Variants in PDIA4 observed in about 807,000 individuals in gnomAD.
PDIA4 encodes protein disulfide isomerase family A member 4.
A neutral mutation model predicts 62.1 loss-of-function variants in PDIA4; 33 were observed. That is an observed-to-expected ratio of 0.53 (90% confidence interval 0.40 to 0.71). PDIA4 has a LOEUF of 0.71. Ranked by LOEUF, PDIA4 falls within the 30% of genes least tolerant of loss-of-function variation. The probability of loss-of-function intolerance (pLI) is 0.00; values close to 1 mark genes in which losing one functional copy is unlikely to be tolerated. For synonymous variants in PDIA4, 341 were observed against 324.1 expected, an observed-to-expected ratio of 1.05 and a Z score of -0.56; for missense variants, 804 against 813.6, an observed-to-expected ratio of 0.99 and a Z score of 0.14.
chr7:149,020,543 G>C (rs965515995), intron 2 of PDIA4, among the ~76,000 whole-genome samples: 1 of 152,184 alleles, frequency 6.6e-6, no homozygotes, highest in African/African-American at 2.4e-5. Flanking sequence ...CACCACACAG[G>C]CCAACAGCCT....
rs560118008 is a variant in PDIA4, at chr7:149,003,548, A to T, written c.*246T>A. On this transcript the variant is annotated 3_prime_UTR_variant, in exon 10 of 10. Coordinates refer to ENST00000652332, the MANE Select transcript of PDIA4 (RefSeq NM_004911.5). ...AAGAAATTAGAAGGTGTAAAAAAAA[A>T]TTTTTCAAACCCCAAATAATGATAA... 1.1e-4 allele frequency: 40 copies of T among 367,096 alleles called. No homozygotes were observed. Among genetic ancestry groups the T allele is most frequent in the Middle Eastern group, 7.1e-4 (1 of 1,404 alleles). The allele number at this position is 367,096 out of a possible 1,614,324, so 22.7% of individuals were successfully genotyped here. A position where few individuals can be genotyped will look rare whatever the true frequency, so the allele number is the denominator to read the frequency against.
At chr7:149,026,879 C>T (rs559496995) in intron 1 of PDIA4, among the ~76,000 whole-genome samples, 2 of 151,900 alleles carry the variant, frequency 1.3e-5, no homozygotes, top group East Asian at 1.9e-4. Flanking sequence ...TTCCTAGGCT[C>T]ACCCTAGGAG....
In PDIA4 at chr7:149,003,343, A is replaced by G. The variant is rs903287977; in HGVS notation, c.*451T>C. The G allele has an allele frequency of 6.6e-6, 1 of 152,524 alleles. No homozygotes were observed. The highest frequency in any genetic ancestry group is 1.5e-5 in the Non-Finnish European group (1 of 68,236). The allele number at this position is 152,524 out of a possible 1,614,324, so 9.4% of individuals were successfully genotyped here. A position where few individuals can be genotyped will look rare whatever the true frequency, so the allele number is the denominator to read the frequency against. ...GCAGGGCTGCTCAGTGGCAGCTCTCACTTTGTGCTCAACAGGAAGCAATCA... is the reference window on the plus strand; with the variant it reads ...GCAGGGCTGCTCAGTGGCAGCTCTCGCTTTGTGCTCAACAGGAAGCAATCA... On this transcript the variant is annotated 3_prime_UTR_variant, in exon 10 of 10. Coordinates refer to ENST00000652332, the MANE Select transcript of PDIA4 (RefSeq NM_004911.5).
At chr7:149,024,899 C>A (rs575473023) in intron 1 of PDIA4, among the ~76,000 whole-genome samples, 1 of 149,036 alleles carries the variant, frequency 6.7e-6, no homozygotes, top group Admixed American at 6.7e-5. Flanking sequence ...CCGAGGCAAG[C>A]GGATCTCCTG....
chr7:149,017,527 T>A (rs1005255950), intron 3 of PDIA4, among the ~76,000 whole-genome samples: 2 of 152,068 alleles, frequency 1.3e-5, no homozygotes, highest in Non-Finnish European at 2.9e-5. Context: ...GAGGTTGCGG[T>A]GAGCTGAGAT....
intron 3 of PDIA4, among the ~76,000 whole-genome samples, chr7:149,017,509 G>A (rs1000416255): frequency 5.3e-5 from 8 of 152,040 alleles, no homozygotes; most frequent in African/African-American, 9.7e-5. Flanking sequence ...ACTTGAATCC[G>A]GGAGGTGGAG....
chr7:149,013,051 C>A (rs137977390), intron 4 of PDIA4, among the ~76,000 whole-genome samples: 3,217 of 152,234 alleles, frequency 0.021, 39 homozygotes, highest in South Asian at 0.058. Flanking sequence ...AGTTTGAGAC[C>A]AGCCTGGCCA....
intron 7 of PDIA4, 75 bp from the exon 8 acceptor site, chr7:149,006,128 C>A (rs367900158): frequency 5.4e-6 from 8 of 1,474,698 alleles, no homozygotes; most frequent in African/African-American, 4.8e-5. Flanking sequence ...GTTTGAGGGA[C>A]TTTGGGGGAG....
Position 149,003,964 on chromosome 7 carries a change from C to T in PDIA4, c.1768G>A (p.Val590Ile), listed in dbSNP as rs770845761. The T allele has an allele frequency of 1.8e-5, 29 of 1,612,980 alleles. No individual in the cohort carries two copies. The highest frequency in any genetic ancestry group is 1.6e-4 in the Middle Eastern group (1 of 6,072). The change falls in exon 10 of 10, where the codon GTC becomes ATC. Residue 590 changes from valine (V) to isoleucine (I), a missense_variant. Transcript: ENST00000652332. ...IAKMDATAND[V>I]PSDRYKVEGF... ...TCCACCTTATAGCGGTCGCTGGGGA[C>T]GTCGTTGGCAGTGGCGTCCATCTTG...
At chr7:149,024,753 T>C (rs891548005) in intron 1 of PDIA4, among the ~76,000 whole-genome samples, 2 of 139,570 alleles carry the variant, frequency 1.4e-5, no homozygotes, top group African/African-American at 2.7e-5. Flanking sequence ...GAGGTGGAGG[T>C]TGCAGTGAGC....
chr7:149,005,093 A>G, intron 9 of PDIA4, 48 bp downstream of exon 9: 1 of 1,460,206 alleles, frequency 6.8e-7, no homozygotes, highest in Non-Finnish European at 9.6e-7. Context: ...ATTCCGCACG[A>G]GGAGCACAGC....
At chr7:149,022,054 T>C (rs1824373257) in intron 1 of PDIA4, among the ~76,000 whole-genome samples, 1 of 152,196 alleles carries the variant, frequency 6.6e-6, no homozygotes, top group Admixed American at 6.5e-5. Flanking sequence ...ATTATCTGCC[T>C]GGCCCCAAAA....
chr7:149,014,880 G>A (rs761136406), intron 4 of PDIA4, 24 bp downstream of exon 4: 2 of 1,612,576 alleles, frequency 1.2e-6, no homozygotes, highest in South Asian at 2.2e-5. Context: ...TACTGAATAT[G>A]GAAAGGGCCT....
rs1824643321 is a variant in PDIA4, at chr7:149,028,492, C to T, written c.-84G>A. 8 of 967,080 alleles carry T rather than the reference C, an allele frequency of 8.3e-6. No individual in the cohort carries two copies. The highest frequency in any genetic ancestry group is 1.7e-5 in the African/African-American group (1 of 57,248). The allele number at this position is 967,080 out of a possible 1,614,324, so 59.9% of individuals were successfully genotyped here. On this transcript the variant is annotated 5_prime_UTR_variant, in exon 1 of 10. Transcript: ENST00000652332. ...TCGGGGTCTGGCCGACAGCCCGTCG[C>T]TCCTTAGCGACGCGGGGGAGCCGGA...
In PDIA4 at chr7:149,011,912, C is replaced by A; in HGVS notation, c.913G>T (p.Asp305Tyr). 6.2e-7 allele frequency: 1 copy of A among 1,608,480 alleles called. No individual in the cohort carries two copies. Among genetic ancestry groups the A allele is most frequent in the Non-Finnish European group, 8.5e-7 (1 of 1,176,798 alleles). The change falls in exon 6 of 10, where the codon GAT becomes TAT. Residue 305 changes from aspartate (D) to tyrosine (Y), a missense_variant. Physicochemically the swap from Asp to Tyr is radical, Grantham distance 160. Transcript: ENST00000652332. ...TTAAAGACCCCGATGATGATGACAT[C>A]GTCTCCATCCTTCAGGAACTCCTGG... ...QVQEFLKDGD[D>Y]VIIIGVFKGE...
intron 8 of PDIA4, 75 bp from the exon 9 acceptor site, chr7:149,005,449 C>A: frequency 1.1e-6 from 1 of 897,132 alleles, no homozygotes. Context: ...GGTCAGGCTT[C>A]AGGTCCTGTC....
Position 149,028,360 on chromosome 7 carries a change from G to A in PDIA4, c.49C>T (p.Gln17Ter), listed in dbSNP as rs1165039405. 9 of 1,527,040 alleles carry A rather than the reference G, an allele frequency of 5.9e-6. No individual in the cohort carries two copies. Among genetic ancestry groups the A allele is most frequent in the Non-Finnish European group, 7.9e-6 (9 of 1,138,822 alleles). The allele number at this position is 1,527,040 out of a possible 1,614,324, so 94.6% of individuals were successfully genotyped here. ...TCGGCACCCGCCACGGCCAGCAGCT[G>A]CACCAGCCCCAAGAGCAGCAGGAGC... is the stretch of plus-strand genomic sequence containing the variant. Reference protein sequence around the residue: ...FLLLLLLGLVQLLAVAGAEGP... With the variant: ...FLLLLLLGLV Residue 17 changes from glutamine to a stop codon, truncating the protein, a stop_gained, in exon 1 of 10, where the codon CAG (glutamine) becomes TAG (stop). Coordinates refer to ENST00000652332, the MANE Select transcript of PDIA4 (RefSeq NM_004911.5). LOFTEE classifies it high-confidence loss of function.
intron 3 of PDIA4, 29 bp from the exon 4 acceptor site, chr7:149,015,071 A>G: frequency 1.9e-6 from 3 of 1,612,826 alleles, no homozygotes; most frequent in Non-Finnish European, 2.5e-6. Flanking sequence ...GACTGAGCAC[A>G]CAAGGCCCAA....
At chr7:149,015,241 A>T (rs554609373) in intron 3 of PDIA4, among the ~76,000 whole-genome samples, 199 bp from the exon 4 acceptor site, 1 of 152,198 alleles carries the variant, frequency 6.6e-6, no homozygotes, top group East Asian at 1.9e-4. Flanking sequence ...GCTATTTCCC[A>T]ACAATTGTCC....
Sources: gnomAD v4.1 joint callset for allele counts (sites outside exome capture counted in the v4.1 genomes callset) on GRCh38, gnomAD v4.1.1 for gene constraint, MANE v1.5 for transcripts, NCBI Gene and HGNC (gene_info 2026-07-23, HGNC 2026-07-21) for gene names.